The following FAM53B variants were observed in gnomAD, a reference collection of about 807,000 sequenced individuals.
FAM53B encodes the protein protein FAM53B.
FAM53B carries 12 observed loss-of-function variants against 32.7 expected under a neutral mutation model. The ratio of observed to expected loss-of-function variants is 0.37; its 90% CI spans 0.24 to 0.59. FAM53B has a LOEUF of 0.59. FAM53B is among the 20% of genes least tolerant of loss of function. The probability of loss-of-function intolerance (pLI) is 0.72; values close to 1 mark genes in which losing one functional copy is unlikely to be tolerated. For missense variants in FAM53B, 477 were observed against 577.7 expected, an observed-to-expected ratio of 0.83 and a Z score of 1.79; for synonymous variants, 234 against 228.7, an observed-to-expected ratio of 1.02 and a Z score of -0.21.
intron 1 of FAM53B, among the ~76,000 whole-genome samples, chr10:124,711,858 C>A (rs1950006118): frequency 6.6e-6 from 1 of 151,696 alleles, no homozygotes; most frequent in African/African-American, 2.4e-5. Flanking sequence ...TCAAGACCAG[C>A]CTAGGCAACA....
At chr10:124,677,427 C>T (rs576322232) in intron 4 of FAM53B, among the ~76,000 whole-genome samples, 2 of 152,362 alleles carry the variant, frequency 1.3e-5, no homozygotes, top group Admixed American at 1.3e-4. Context: ...GTGCAGGAGG[C>T]CCACGGGGCC....
chr10:124,731,042 G>A (rs574746549), intron 1 of FAM53B, among the ~76,000 whole-genome samples: 1 of 152,316 alleles, frequency 6.6e-6, no homozygotes, highest in African/African-American at 2.4e-5. Flanking sequence ...GCTATAGTTT[G>A]CCAATCCTAA....
chr10:124,639,319 C>T (rs1462465239), intron 4 of FAM53B, among the ~76,000 whole-genome samples: 3 of 152,188 alleles, frequency 2.0e-5, no homozygotes, highest in African/African-American at 7.2e-5. Flanking sequence ...CTGGAGGTGC[C>T]AGGAGATCCC....
chr10:124,735,100 C>G (rs1950166017), intron 1 of FAM53B, among the ~76,000 whole-genome samples: 2 of 152,144 alleles, frequency 1.3e-5, no homozygotes, highest in Admixed American at 1.3e-4. Context: ...GACGCTGACT[C>G]CAGGTGTCCA....
rs1301987566 is a variant in FAM53B, at chr10:124,743,640, C to A, written c.-175+373G>T. Among the ~76,000 whole-genome samples, 18 of 152,122 alleles carry A rather than the reference C, an allele frequency of 1.2e-4. 1 individual carries two copies. The East Asian group carries it at 3.1e-3, about 26-fold the overall frequency. On this transcript the variant is annotated intron_variant, in intron 1 of 4. Transcript: ENST00000337318. ...CCTCCTCCGCAGCGGCTAGTCAGGG[C>A]TCAAGTTGAGACGCGGAGAGGACAC...
chr10:124,640,199 C>A (rs1314153963), intron 4 of FAM53B, among the ~76,000 whole-genome samples: 2 of 152,262 alleles, frequency 1.3e-5, no homozygotes, highest in African/African-American at 2.4e-5. Context: ...CACCTTGCTA[C>A]AGGTGCATTC....
At chr10:124,697,000 CT>C (rs1395944698) in intron 2 of FAM53B, among the ~76,000 whole-genome samples, 1 of 152,108 alleles carries the variant, frequency 6.6e-6, no homozygotes, top group African/African-American at 2.4e-5. Context: ...AGGGCACTTG[CT>C]CCATGGCTAC....
intron 4 of FAM53B, among the ~76,000 whole-genome samples, chr10:124,628,031 A>G (rs1387955097): frequency 1.3e-5 from 2 of 151,764 alleles, no homozygotes; most frequent in Non-Finnish European, 2.9e-5. Context: ...ACTGCTACTC[A>G]CTCCGTCCAG....
chr10:124,632,128 A>C (rs1949395150), intron 4 of FAM53B, among the ~76,000 whole-genome samples: 1 of 152,220 alleles, frequency 6.6e-6, no homozygotes, highest in Non-Finnish European at 1.5e-5. Context: ...AATGGTGGCC[A>C]ACCCAGGGGC....
intron 4 of FAM53B, among the ~76,000 whole-genome samples, chr10:124,646,364 A>G (rs1193496467): frequency 6.6e-6 from 1 of 152,192 alleles, no homozygotes; most frequent in Non-Finnish European, 1.5e-5. Flanking sequence ...GGGCTCAAAC[A>G]TCTTCCCCAG....
chr10:124,732,438 G>A (rs930844512), intron 1 of FAM53B, among the ~76,000 whole-genome samples: 19 of 152,308 alleles, frequency 1.2e-4, no homozygotes, highest in Admixed American at 3.9e-4. Context: ...GTGAGCAGAC[G>A]GACACCACCC....
intron 4 of FAM53B, among the ~76,000 whole-genome samples, chr10:124,666,856 G>A (rs1211706689): frequency 2.0e-5 from 3 of 152,192 alleles, no homozygotes; most frequent in Non-Finnish European, 2.9e-5. Flanking sequence ...GGCACCAGAC[G>A]CTCTGGTCCT....
chr10:124,735,737 G>A (rs1379139753), intron 1 of FAM53B, among the ~76,000 whole-genome samples: 1 of 152,060 alleles, frequency 6.6e-6, no homozygotes, highest in Non-Finnish European at 1.5e-5. Context: ...GGCTCTAAGT[G>A]TCCTCAGGTG....
intron 1 of FAM53B, among the ~76,000 whole-genome samples, chr10:124,722,112 A>C (rs1009992936): frequency 1.3e-5 from 2 of 152,206 alleles, no homozygotes; most frequent in African/African-American, 4.8e-5. Context: ...AGTACGTTCT[A>C]GTGTTCTATA....
chr10:124,698,905 T>C (rs1353884682), intron 2 of FAM53B, among the ~76,000 whole-genome samples: 1 of 152,170 alleles, frequency 6.6e-6, no homozygotes. Flanking sequence ...CAGGGCCCCA[T>C]ATGAGCCAAC....
intron 1 of FAM53B, among the ~76,000 whole-genome samples, chr10:124,721,017 T>A (rs567605651): frequency 5.3e-4 from 80 of 152,188 alleles, no homozygotes; most frequent in African/African-American, 1.8e-3. Context: ...CTGGGAAACA[T>A]GGCAAAATCC....
intron 4 of FAM53B, among the ~76,000 whole-genome samples, chr10:124,672,423 C>A (rs1307562694): frequency 1.3e-5 from 2 of 152,256 alleles, no homozygotes; most frequent in African/African-American, 4.8e-5. Context: ...CCGAAATCCT[C>A]CTGGGGTTGG....
At chr10:124,686,968 G>A (rs986783918) in intron 3 of FAM53B, among the ~76,000 whole-genome samples, 6 of 152,218 alleles carry the variant, frequency 3.9e-5, no homozygotes, top group Admixed American at 2.6e-4. Context: ...GAAAAGCAAA[G>A]CACTGCTATT....
chr10:124,712,063 G>T (rs1235088632), intron 1 of FAM53B, among the ~76,000 whole-genome samples: 2 of 152,070 alleles, frequency 1.3e-5, no homozygotes, highest in Non-Finnish European at 2.9e-5. Context: ...TATATCAAAA[G>T]AAATAATTAA....
Sources: gnomAD v4.1 joint callset for allele counts (sites outside exome capture counted in the v4.1 genomes callset) on GRCh38, gnomAD v4.1.1 for gene constraint, MANE v1.5 for transcripts, NCBI Gene and HGNC (gene_info 2026-07-23, HGNC 2026-07-21) for gene names.